Variants in SNAPC4 observed in about 807,000 individuals in gnomAD.
The protein encoded by SNAPC4 is snRNA-activating protein complex subunit 4.
Under a neutral mutation model 151.3 loss-of-function variants are expected in SNAPC4, and 127 were observed. The ratio of observed to expected loss-of-function variants is 0.84; its 90% CI spans 0.73 to 0.97. The LOEUF (loss-of-function observed/expected upper bound fraction) is 0.97, where lower values mean the gene tolerates loss of function less well. Ranked by LOEUF, SNAPC4 falls within the 50% of genes least tolerant of loss-of-function variation. The pLI, the probability that SNAPC4 is intolerant of heterozygous loss-of-function variation, is 0.00. For missense variants in SNAPC4, 2,186 were observed against 1,935.0 expected (o/e 1.13, Z -2.43); for synonymous variants, 1,002 against 824.4 (o/e 1.22, Z -3.69).
chr9:136,375,576 C>T lies in SNAPC4; in HGVS notation c.*232G>A, dbSNP rs934485350. On this transcript the variant is annotated 3_prime_UTR_variant, in exon 24 of 24. Transcript: ENST00000684778. ...CAAAACCACAACAGCCTGTGTCCAG[C>T]TCCACAATTAAAAACAGAACTTTAT... 4.6e-5 allele frequency: 7 copies of T among 152,296 alleles called. No individual in the cohort carries two copies. Among genetic ancestry groups the T allele is most frequent in the African/African-American group, 1.4e-4 (6 of 41,426 alleles). 9.4% of individuals were successfully genotyped at this position (152,296 alleles called of 1,614,324 possible).
chr9:136,392,933 G>T (rs951928081), intron 7 of SNAPC4, among the ~76,000 whole-genome samples, 156 bp from the exon 8 acceptor site: 4 of 152,216 alleles, frequency 2.6e-5, no homozygotes, highest in African/African-American at 9.6e-5. Context: ...GAGGGAAGCT[G>T]TAGCACCCAC....
At chr9:136,385,580 C>T (rs960295700) in intron 13 of SNAPC4, among the ~76,000 whole-genome samples, 6 of 150,270 alleles carry the variant, frequency 4.0e-5, no homozygotes, top group African/African-American at 2.4e-5. Flanking sequence ...TTTTTTGAGA[C>T]GGAGGCTCAC....
chr9:136,394,436 C>A (rs73670250), intron 6 of SNAPC4, 106 bp from the exon 7 acceptor site: 4 of 966,120 alleles, frequency 4.1e-6, no homozygotes, highest in Non-Finnish European at 1.7e-6. Context: ...GGCCCCACAG[C>A]GAGTAAGCAG....
Position 136,377,996 on chromosome 9 carries a change from C to T in SNAPC4, c.3831G>A (p.Glu1277=). 1 of 1,602,506 alleles carries T rather than the reference C, an allele frequency of 6.2e-7. No individual in the cohort carries two copies. The highest frequency in any genetic ancestry group is 8.5e-7 in the Non-Finnish European group (1 of 1,175,336). The change falls in exon 22 of 24, where the codon GAG becomes GAA. Residue 1277 remains glutamate, a synonymous_variant. Coordinates refer to ENST00000684778, the MANE Select transcript of SNAPC4 (RefSeq NM_003086.4). Reference sequence around the variant, plus strand: ...GCCACTGCTGTGTGGCCGCCTCGCCCTCCTGGGACAGCAGGCCCAGGTCCA... The same window carrying T: ...GCCACTGCTGTGTGGCCGCCTCGCCTTCCTGGGACAGCAGGCCCAGGTCCA... ...GALDLGLLSQ[E]GEAATQQWLG...
At chr9:136,387,464 G>T in intron 13 of SNAPC4, 21 bp downstream of exon 13, 1 of 1,563,666 alleles carries the variant, frequency 6.4e-7, no homozygotes, top group Non-Finnish European at 8.8e-7. Flanking sequence ...CCCCTCCCTC[G>T]CTCAGCGCTG....
In SNAPC4 at chr9:136,383,379, G is replaced by A. The variant is rs749965458; in HGVS notation, c.1790C>T (p.Ser597Phe). 1 of 1,595,246 alleles carries A rather than the reference G, an allele frequency of 6.3e-7. No individual in the cohort carries two copies. The highest frequency in any genetic ancestry group is 8.5e-7 in the Non-Finnish European group (1 of 1,171,112). ...ACTGGACCCCTTGGGAGGGCTGAGG[G>A]AGGCAGCGGGGCCTCCCAGCCAGGC... Reference protein sequence around the residue: ...AGAWLGGPAASLSPPKGSSAS... With the variant: ...AGAWLGGPAAFLSPPKGSSAS... Residue 597 changes from serine (S) to phenylalanine (F), a missense_variant, in exon 16 of 24, where the codon TCC becomes TTC. Physicochemically the swap from Ser to Phe is radical, Grantham distance 155 (BLOSUM62 -2). Transcript: ENST00000684778. This position sits in a 1 kb window ranked among gnomAD's most constrained non-coding sequence, Gnocchi z 4.2.
chr9:136,378,805 C>T lies in SNAPC4; in HGVS notation c.3022G>A (p.Ala1008Thr). ...GTAPAASQAPALGPGQISVSC... is the reference protein window; with the variant it reads ...GTAPAASQAPTLGPGQISVSC... ...ACAGAGATCTGGCCGGGGCCCAGGG[C>T]AGGGGCTTGGGAAGCAGCAGGGGCT... Residue 1008 changes from alanine (A) to threonine (T), a missense_variant, in exon 22 of 24, where the codon GCC becomes ACC. By Grantham distance (58) the Ala-to-Thr change is moderately conservative. Coordinates refer to ENST00000684778, the MANE Select transcript of SNAPC4 (RefSeq NM_003086.4). 6.3e-7 allele frequency: 1 copy of T among 1,582,434 alleles called. No individual in the cohort carries two copies. Among genetic ancestry groups the T allele is most frequent in the South Asian group, 1.2e-5 (1 of 86,080 alleles).
chr9:136,393,179 G>A (rs1165256742), intron 7 of SNAPC4, among the ~76,000 whole-genome samples: 1 of 152,186 alleles, frequency 6.6e-6, no homozygotes, highest in Non-Finnish European at 1.5e-5. Context: ...AGCAGGCCAG[G>A]GAGGAAAACC....
chr9:136,377,366 G>A (rs1171349204), intron 22 of SNAPC4, among the ~76,000 whole-genome samples, 177 bp downstream of exon 22: 1 of 151,830 alleles, frequency 6.6e-6, no homozygotes, highest in Non-Finnish European at 1.5e-5. Flanking sequence ...GGCCACTTCT[G>A]CAGAATCTAC....
In SNAPC4 at chr9:136,393,692, G is replaced by A. The variant is rs968794246; in HGVS notation, c.632+557C>T. Among the ~76,000 whole-genome samples the A allele has an allele frequency of 5.5e-4, 84 of 151,722 alleles. 1 individual carries two copies. Among genetic ancestry groups the A allele is most frequent in the Non-Finnish European group, 1.1e-3 (74 of 67,848 alleles). ...CATCGTGGCCGTGTGGACCGACCCC[G>A]CGCCCCGAGCCACACCCCTCATCGT... On this transcript the variant is annotated intron_variant, in intron 7 of 23. Coordinates refer to ENST00000684778, the MANE Select transcript of SNAPC4 (RefSeq NM_003086.4).
chr9:136,396,863 T>C (rs941485666), intron 3 of SNAPC4, 114 bp downstream of exon 3: 1 of 812,662 alleles, frequency 1.2e-6, no homozygotes, highest in Middle Eastern at 2.3e-4. Flanking sequence ...ACGTGAATCA[T>C]TTTTATAATG....
rs769569591 is a variant in SNAPC4, at chr9:136,380,787, T to C, written c.2452A>G (p.Arg818Gly). ...VVRERKALPP[R>G]LPQAGARDPP... is the part of the protein sequence containing the mutation. ...TCCCGAGCACCAGCCTGGGGCAGCCTGGGTGGCAGGGCCTTCCTCTCTCGG... is the reference window on the plus strand; with the variant it reads ...TCCCGAGCACCAGCCTGGGGCAGCCCGGGTGGCAGGGCCTTCCTCTCTCGG... The change falls in exon 20 of 24, where the codon AGG becomes GGG. Residue 818 changes from arginine to glycine, a missense_variant. Coordinates refer to ENST00000684778, the MANE Select transcript of SNAPC4 (RefSeq NM_003086.4). The C allele has an allele frequency of 1.2e-6, 2 of 1,611,966 alleles. No individual in the cohort carries two copies. Among genetic ancestry groups the C allele is most frequent in the Non-Finnish European group, 1.7e-6 (2 of 1,179,148 alleles).
Position 136,377,933 on chromosome 9 carries a change from G to A in SNAPC4, c.3894C>T (p.Gly1298=), listed in dbSNP as rs111482491. 56 of 1,607,608 alleles carry A rather than the reference G, an allele frequency of 3.5e-5. No homozygotes were observed. In the African/African-American group the frequency reaches 6.3e-4, roughly 18 times the overall value. ...GQRGVRVPLL[G]SRLPYQPPAL... ...CTGGGGGCTGATAGGGCAGTCTGCT[G>A]CCCAGAAGAGGCACACGCACCCCCC... Residue 1298 remains glycine (G), a synonymous_variant, in exon 22 of 24, where the codon GGC becomes GGT. Transcript: ENST00000684778.
At chr9:136,391,190 A>G (rs1157145969) in intron 10 of SNAPC4, among the ~76,000 whole-genome samples, 1 of 152,194 alleles carries the variant, frequency 6.6e-6, no homozygotes, top group Non-Finnish European at 1.5e-5. Context: ...AGTAGGCCCT[A>G]CTTACAGAGA....
In SNAPC4 at chr9:136,394,869, C is replaced by A; in HGVS notation, c.481G>T (p.Ala161Ser). Residue 161 changes from alanine to serine, a missense_variant, in exon 6 of 24, where the codon GCC (alanine) becomes TCC (serine). Transcript: ENST00000684778. ...GCCTTCTCTCGTGTGTCCTCGTTGGCAGGTGGCCCCTGTCAGGGTGCACGG... is the reference window on the plus strand; with the variant it reads ...GCCTTCTCTCGTGTGTCCTCGTTGGAAGGTGGCCCCTGTCAGGGTGCACGG... The part of the protein sequence containing the change: ...KDKVTGVGPP[A>S]NEDTREKAAQ... The A allele has an allele frequency of 6.2e-7, 1 of 1,613,786 alleles. No homozygotes were observed. Among genetic ancestry groups the A allele is most frequent in the Non-Finnish European group, 8.5e-7 (1 of 1,179,948 alleles).
rs375517404 is a variant in SNAPC4, at chr9:136,378,008, C to A, written c.3819G>T (p.Leu1273=). The change falls in exon 22 of 24, where the codon CTG becomes CTT. Residue 1273 remains leucine, a synonymous_variant. Coordinates refer to ENST00000684778, the MANE Select transcript of SNAPC4 (RefSeq NM_003086.4). ...TGGCCGCCTCGCCCTCCTGGGACAG[C>A]AGGCCCAGGTCCAGGGCCCCCTTCT... is the stretch of plus-strand genomic sequence containing the variant. ...GPEKGALDLG[L]LSQEGEAATQ... 6.3e-7 allele frequency: 1 copy of A among 1,598,128 alleles called. No individual in the cohort carries two copies. The highest frequency in any genetic ancestry group is 2.3e-5 in the East Asian group (1 of 44,362).
At chr9:136,392,137 GCCACTGAC>G in intron 9 of SNAPC4, 31 bp from the exon 10 acceptor site, 1 of 1,609,004 alleles carries the variant, frequency 6.2e-7, no homozygotes, top group East Asian at 2.2e-5. Context: ...AGCCTTGCAG[GCCACTGAC>G]CCCAGGGGCA....
chr9:136,381,450 T>C (rs1451736638), intron 18 of SNAPC4, 58 bp from the exon 19 acceptor site: 1 of 1,473,328 alleles, frequency 6.8e-7, no homozygotes, highest in Non-Finnish European at 9.5e-7. Context: ...CACAGGGGGA[T>C]GGGTGGAAAG....
intron 2 of SNAPC4, among the ~76,000 whole-genome samples, chr9:136,397,296 T>G (rs1834306684): frequency 6.6e-6 from 1 of 152,108 alleles, no homozygotes; most frequent in Non-Finnish European, 1.5e-5. Flanking sequence ...TGGCACAAGC[T>G]ATCTTTACTG....
Sources: gnomAD v4.1 joint callset for allele counts (sites outside exome capture counted in the v4.1 genomes callset) on GRCh38, gnomAD v4.1.1 for gene constraint, Gnocchi (gnomAD v3.1) non-coding constraint, MANE v1.5 for transcripts, NCBI Gene and HGNC (gene_info 2026-07-23, HGNC 2026-07-21) for gene names.